The following DMD variants were observed in gnomAD, a reference collection of about 807,000 sequenced individuals.
The protein encoded by DMD is mutant dystrophin.
A neutral mutation model predicts 330.1 loss-of-function variants in DMD; 63 were observed. The observed-to-expected ratio is 0.19, with a 90% CI of 0.16 to 0.24. The LOEUF is 0.24. Ranked by LOEUF, DMD falls within the 10% of genes least tolerant of loss-of-function variation. The pLI is 1.00. For missense variants in DMD, 3,344 were observed against 2,684.1 expected (o/e 1.25, Z -5.43); for synonymous variants, 1,223 against 959.8 (o/e 1.27, Z -5.07).
intron 52 of DMD, among the ~76,000 whole-genome samples, chrX:31,687,573 C>T (rs1416496084): frequency 1.8e-5 from 2 of 111,624 alleles, no homozygotes; most frequent in East Asian, 2.8e-4. Context: ...GGATCCTCTG[C>T]CTTTTAAAAG....
At position 31,479,015 on chromosome X, in the gene DMD, T is replaced by C; in HGVS notation, c.8636A>G (p.Glu2879Gly). The C allele has an allele frequency of 8.3e-7, 1 of 1,210,215 alleles. No homozygotes were observed. Among genetic ancestry groups the C allele is most frequent in the South Asian group, 1.8e-5 (1 of 56,901 alleles). Residue 2879 changes from glutamate (E) to glycine (G), a missense_variant, in exon 58 of 79, where the codon GAA becomes GGA. By Grantham distance (98) the Glu-to-Gly change is moderately conservative (BLOSUM62 -2). Transcript: ENST00000357033. ...VRIFLTEQPL[E>G]GLEKLYQEPR... ...CTCCTGGTAGAGTTTCTCTAGTCCT[T>C]CCAAAGGCTGCTCTGTCAGAAATAT...
chrX:32,689,146 T>G (rs1452480875), intron 9 of DMD, among the ~76,000 whole-genome samples: 5 of 111,314 alleles, frequency 4.5e-5, no homozygotes. Flanking sequence ...TTATAAAATT[T>G]TCATACTTAA....
At chrX:33,225,214 C>T (rs757696111) in intron 1 of DMD, among the ~76,000 whole-genome samples, 201 of 111,257 alleles carry the variant, frequency 1.8e-3, no homozygotes, top group African/African-American at 5.2e-3. Context: ...AAAAGGCACT[C>T]TAAAATTTAT....
intron 27 of DMD, among the ~76,000 whole-genome samples, chrX:32,445,878 A>C (rs1488358332): frequency 1.8e-5 from 2 of 111,493 alleles, no homozygotes; most frequent in East Asian, 5.6e-4. Context: ...CACATACATA[A>C]ATGTAGAGAG....
intron 1 of DMD, among the ~76,000 whole-genome samples, chrX:33,294,856 C>A (rs756481062): frequency 2.7e-5 from 3 of 110,589 alleles, no homozygotes; most frequent in Non-Finnish European, 5.7e-5. Flanking sequence ...GCAGTATATA[C>A]AATTTCAAAG....
intron 43 of DMD, among the ~76,000 whole-genome samples, chrX:32,260,190 G>C (rs1371033448): frequency 9.0e-6 from 1 of 111,172 alleles, no homozygotes; most frequent in Non-Finnish European, 1.9e-5. Flanking sequence ...GTACTTGATA[G>C]TTAGTGTCAA....
At chrX:32,724,777 A>C (rs115346964) in intron 7 of DMD, among the ~76,000 whole-genome samples, 1,903 of 112,133 alleles carry the variant, frequency 0.017, 45 homozygotes, top group African/African-American at 0.058. Flanking sequence ...CCTGTTATAA[A>C]TTACATCAGT....
chrX:33,113,608 ATCT>A (rs1569555345), intron 1 of DMD, among the ~76,000 whole-genome samples: 3 of 104,209 alleles, frequency 2.9e-5, no homozygotes, highest in Non-Finnish European at 5.9e-5. Flanking sequence ...CCCCAAAAAA[ATCT>A]TCTAGCAACT....
intron 2 of DMD, 116 bp from the exon 3 acceptor site, chrX:32,849,936 T>C (rs2080999048): frequency 1.5e-5 from 9 of 605,163 alleles, no homozygotes; most frequent in Non-Finnish European, 1.9e-5. Context: ...TGTGCATAAT[T>C]AATCTGCCGA....
intron 26 of DMD, among the ~76,000 whole-genome samples, chrX:32,449,569 AC>A: frequency 9.4e-6 from 1 of 105,888 alleles, no homozygotes; most frequent in South Asian, 4.2e-4. Context: ...TAACACAAGC[AC>A]AAATCCTACA....
intron 55 of DMD, among the ~76,000 whole-genome samples, chrX:31,511,783 G>T (rs1465335584): frequency 9.5e-6 from 1 of 104,868 alleles, no homozygotes; most frequent in African/African-American, 3.5e-5. Flanking sequence ...GAATAGTGCC[G>T]CAATAAACAT....
intron 1 of DMD, among the ~76,000 whole-genome samples, chrX:33,265,446 G>A (rs1315761273): frequency 9.0e-6 from 1 of 111,232 alleles, no homozygotes; most frequent in Non-Finnish European, 1.9e-5. Context: ...AAATTTATTT[G>A]TATAAACTGC....
intron 34 of DMD, among the ~76,000 whole-genome samples, chrX:32,378,491 GT>G (rs2097912805): frequency 9.1e-6 from 1 of 109,713 alleles, no homozygotes; most frequent in Non-Finnish European, 1.9e-5. Context: ...ATTATGCTTT[GT>G]TTGGATAAAC....
rs56150142 is a variant in DMD, at chrX:32,883,823, CAAAAAAAAA to C, written c.94-34012_94-34004del. 7.5e-3 allele frequency among the ~76,000 whole-genome samples: 228 copies of C among 30,337 alleles called. 2 individuals carry two copies. Among genetic ancestry groups the C allele is most frequent in the African/African-American group, 0.028 (198 of 6,963 alleles). 26.3% of individuals were successfully genotyped at this position (30,337 alleles called of 115,157 possible). A position where few individuals can be genotyped will look rare whatever the true frequency, so the allele number is the denominator to read the frequency against. Reference sequence around the variant, plus strand: ...TGGGTGACAGAGCAAGACTCTGTTTCAAAAAAAAAAAAAAAAAAAAAAAAAAAAGAAAAT... The same window carrying C: ...TGGGTGACAGAGCAAGACTCTGTTTCAAAAAAAAAAAAAAAAAAAGAAAAT... On this transcript the variant is annotated intron_variant, in intron 2 of 78. Transcript: ENST00000357033.
At chrX:32,722,685 T>A (rs1358917460) in intron 7 of DMD, among the ~76,000 whole-genome samples, 1 of 111,299 alleles carries the variant, frequency 9.0e-6, no homozygotes, top group Non-Finnish European at 1.9e-5. Context: ...TTAAATTGGG[T>A]CTTAAATATT....
rs760531412 is a variant in DMD at position 31,354,218 on chromosome X, C to T, written c.9085-5584G>A. Among the ~76,000 whole-genome samples, 30 of 111,869 alleles carry T rather than the reference C, an allele frequency of 2.7e-4. No homozygotes were observed. The South Asian group carries it at 6.8e-3, about 25-fold the overall frequency. ...TAAATCCTCAGTGAGTAGCACAGTA[C>T]CTGGCATATAATAGGTGCTAAATTA... On this transcript the variant is annotated intron_variant, in intron 60 of 78. Coordinates refer to ENST00000357033, the MANE Select transcript of DMD (RefSeq NM_004006.3).
intron 11 of DMD, among the ~76,000 whole-genome samples, chrX:32,636,018 G>A (rs2059070326): frequency 8.9e-6 from 1 of 111,817 alleles, no homozygotes; most frequent in Non-Finnish European, 1.9e-5. Context: ...TTCCTTACTA[G>A]ACTCAGCTGC....
At chrX:32,761,520 C>T (rs2072291255) in intron 7 of DMD, among the ~76,000 whole-genome samples, 1 of 112,149 alleles carries the variant, frequency 8.9e-6, no homozygotes. Flanking sequence ...TTAAATGTGA[C>T]AGGTCCACCC....
chrX:32,411,815 G>A lies in DMD; in HGVS notation c.4170C>T (p.Asp1390=), dbSNP rs886043687. ...CTGCAATATAAGCTGCCAACTGCTTGTCAATGAATGTGAGGGACTCCTGGA... is the reference window on the plus strand; with the variant it reads ...CTGCAATATAAGCTGCCAACTGCTTATCAATGAATGTGAGGGACTCCTGGA... ...HLIQESLTFI[D]KQLAAYIADK... The change falls in exon 30 of 79, where the codon GAC becomes GAT. Residue 1390 remains aspartate, a synonymous_variant. Transcript: ENST00000357033. The A allele has an allele frequency of 6.6e-6, 8 of 1,209,133 alleles. No individual in the cohort carries two copies. Among genetic ancestry groups the A allele is most frequent in the South Asian group, 1.8e-5 (1 of 56,782 alleles).
Sources: allele counts gnomAD v4.1 joint callset (sites outside exome capture counted in the v4.1 genomes callset), GRCh38; gene constraint gnomAD v4.1.1; transcripts MANE v1.5; gene names NCBI Gene and HGNC (gene_info 2026-07-23, HGNC 2026-07-21).